ZC3H11A: variants seen among roughly 807,000 people sequenced by gnomAD.
The protein encoded by ZC3H11A is zinc finger CCCH-type containing 11A.
ZC3H11A carries 22 observed loss-of-function variants against 90.8 expected under a neutral mutation model. The ratio of observed to expected loss-of-function variants is 0.24; its 90% CI spans 0.17 to 0.35. The LOEUF is 0.35. Ranked by LOEUF, ZC3H11A falls within the 10% of genes least tolerant of loss-of-function variation. The probability of loss-of-function intolerance (pLI) is 1.00; values close to 1 mark genes in which losing one functional copy is unlikely to be tolerated. For synonymous variants in ZC3H11A, 294 were observed against 339.8 expected (o/e 0.87, Z 1.48); for missense variants, 701 against 964.9 (o/e 0.73, Z 3.62).
In ZC3H11A at chr1:203,801,792, CA is replaced by C. The variant is rs1363419330; in HGVS notation, c.-1366del. Reference sequence around the variant, plus strand: ...AAGTTTAGAACTCATTTCTATGTATCAAAATCGGGTTTTTTTTGGTTTTGAT... The same window carrying C: ...AAGTTTAGAACTCATTTCTATGTATCAAATCGGGTTTTTTTTGGTTTTGAT... On this transcript the variant is annotated 5_prime_UTR_variant, in exon 2 of 18. An upstream open reading frame in the 5' UTR loses its in-frame stop. Transcript: ENST00000367210. The C allele has an allele frequency of 6.8e-6, 1 of 146,116 alleles. No individual in the cohort carries two copies. Among genetic ancestry groups the C allele is most frequent in the African/African-American group, 2.5e-5 (1 of 39,588 alleles). 9.1% of individuals were successfully genotyped at this position (146,116 alleles called of 1,614,324 possible).
At chr1:203,797,587 T>A (rs571447613) in intron 1 of ZC3H11A, 2 of 1,534,332 alleles carry the variant, frequency 1.3e-6, no homozygotes, top group South Asian at 1.2e-5. Flanking sequence ...TGCAACACTT[T>A]TAGTGATTCT....
At chr1:203,800,247 C>A in intron 1 of ZC3H11A, 1 of 1,196,694 alleles carries the variant, frequency 8.4e-7, no homozygotes, top group South Asian at 1.3e-5. Context: ...TCTAAGTTGC[C>A]CCATGTGTAG....
intron 15 of ZC3H11A, 67 bp downstream of exon 15, chr1:203,850,093 C>A: frequency 6.9e-7 from 1 of 1,455,818 alleles, no homozygotes; most frequent in East Asian, 2.3e-5. Flanking sequence ...CAATTGTTGC[C>A]AGTAACTTCC....
chr1:203,837,454 C>CT (rs148758453), intron 10 of ZC3H11A, among the ~76,000 whole-genome samples: 18,340 of 143,780 alleles, frequency 0.13, 1,281 homozygotes, highest in Non-Finnish European at 0.15. Context: ...CCTTGTCTCT[C>CT]TTTTTTTTTT....
At chr1:203,797,792 A>G (rs1490610810) in intron 1 of ZC3H11A, 5 of 1,535,912 alleles carry the variant, frequency 3.3e-6, no homozygotes, top group South Asian at 1.2e-5. Flanking sequence ...AGGATTTGGG[A>G]TCTGGGAGGC....
intron 2 of ZC3H11A, among the ~76,000 whole-genome samples, chr1:203,812,475 C>T (rs1389830574): frequency 1.3e-5 from 2 of 152,006 alleles, no homozygotes; most frequent in Non-Finnish European, 2.9e-5. Flanking sequence ...TTATTGGATG[C>T]ATACTATTCC....
At chr1:203,837,873 CAG>C in intron 10 of ZC3H11A, 91 bp from the exon 11 acceptor site, 1 of 1,189,114 alleles carries the variant, frequency 8.4e-7, no homozygotes, top group Non-Finnish European at 1.2e-6. Flanking sequence ...GAACACTTAA[CAG>C]AATTATGCTA....
Position 203,847,388 on chromosome 1 carries a change from G to T in ZC3H11A, c.1247G>T (p.Arg416Leu). 2.5e-6 allele frequency: 4 copies of T among 1,613,760 alleles called. No homozygotes were observed. The highest frequency in any genetic ancestry group is 2.5e-6 in the Non-Finnish European group (3 of 1,179,844). Residue 416 changes from arginine (R) to leucine (L), a missense_variant, in exon 13 of 18, where the codon CGG becomes CTG. Arg to Leu is a moderately radical substitution (Grantham distance 102). Transcript: ENST00000367210. ...GAGGTCCTGGCTGAAAAAAAACATC[G>T]GCAGCAGGAAGCAGAGAGACAAAAA... ...FSEVLAEKKH[R>L]QQEAERQKSK...
chr1:203,833,622 T>TTTTTTTTC (rs1314083762), intron 9 of ZC3H11A, among the ~76,000 whole-genome samples, 169 bp from the exon 10 acceptor site: 1 of 148,224 alleles, frequency 6.7e-6, no homozygotes. Flanking sequence ...GTTTGGGTTT[T>TTTTTTTTC]TTTTTTTTTT....
chr1:203,822,610 G>A (rs1679158337), intron 4 of ZC3H11A, among the ~76,000 whole-genome samples: 1 of 152,034 alleles, frequency 6.6e-6, no homozygotes, highest in East Asian at 1.9e-4. Context: ...TGCCATTCTA[G>A]ACTGACCCTA....
chr1:203,821,083 A>G (rs1678506451), intron 4 of ZC3H11A, among the ~76,000 whole-genome samples: 1 of 152,058 alleles, frequency 6.6e-6, no homozygotes, highest in Non-Finnish European at 1.5e-5. Flanking sequence ...TAAGGGAGGG[A>G]CCTGATGGGA....
rs1053132373 is a variant in ZC3H11A, at chr1:203,849,904, G to A, written c.1817G>A (p.Arg606Gln). ...PVLTAVPGITRHLTKRLPTKS... is the reference protein window; with the variant it reads ...PVLTAVPGITQHLTKRLPTKS... ...CTCACTGCTGTGCCAGGAATCACAC[G>A]GCACCTGACCAAGCGGCTTCCCACA... is the stretch of plus-strand genomic sequence containing the variant. The change falls in exon 15 of 18, where the codon CGG becomes CAG. Residue 606 changes from arginine (R) to glutamine (Q), a missense_variant. Arg to Gln is a conservative substitution (Grantham distance 43). Coordinates refer to ENST00000367210, the MANE Select transcript of ZC3H11A (RefSeq NM_001376342.1). The A allele has an allele frequency of 6.2e-7, 1 of 1,614,102 alleles. No individual in the cohort carries two copies. Among genetic ancestry groups the A allele is most frequent in the Non-Finnish European group, 8.5e-7 (1 of 1,180,022 alleles).
chr1:203,823,028 A>G (rs1009855521), intron 4 of ZC3H11A, among the ~76,000 whole-genome samples: 3 of 152,214 alleles, frequency 2.0e-5, no homozygotes, highest in Admixed American at 2.0e-4. Flanking sequence ...GCAGATATCA[A>G]ATAAATTGAT....
intron 16 of ZC3H11A, 61 bp downstream of exon 16, chr1:203,850,742 A>G (rs1689059860): frequency 2.6e-6 from 4 of 1,565,672 alleles, no homozygotes; most frequent in Non-Finnish European, 3.5e-6. Context: ...AGGAAAGACT[A>G]ACTCTCCACT....
chr1:203,831,161 C>T (rs1224466810), intron 8 of ZC3H11A, among the ~76,000 whole-genome samples: 1 of 151,704 alleles, frequency 6.6e-6, no homozygotes, highest in East Asian at 1.9e-4. Flanking sequence ...TTGGGCTGGT[C>T]TCGAACTCCC....
At chr1:203,831,573 C>T in intron 8 of ZC3H11A, 88 bp from the exon 9 acceptor site, 4 of 1,073,038 alleles carry the variant, frequency 3.7e-6, no homozygotes, top group Non-Finnish European at 5.6e-6. Flanking sequence ...CTGTATTGGA[C>T]TTAACTGGTT....
At chr1:203,806,570 T>C (rs1167982945) in intron 2 of ZC3H11A, among the ~76,000 whole-genome samples, 1 of 152,200 alleles carries the variant, frequency 6.6e-6, no homozygotes, top group Non-Finnish European at 1.5e-5. Flanking sequence ...CCCAAAGTGC[T>C]GGGATTATAG....
chr1:203,851,090 G>A lies in ZC3H11A; in HGVS notation c.2140G>A (p.Val714Ile). ...CCCGCTTGTCTCTGAGGACAAATCAGTCACTGTGCCTGAAGCAGAAAATCC... is the reference window on the plus strand; with the variant it reads ...CCCGCTTGTCTCTGAGGACAAATCAATCACTGTGCCTGAAGCAGAAAATCC... ...VVPLVSEDKS[V>I]TVPEAENPRD... is the part of the protein sequence containing the mutation. Residue 714 changes from valine to isoleucine, a missense_variant, in exon 17 of 18, where the codon GTC becomes ATC. Coordinates refer to ENST00000367210, the MANE Select transcript of ZC3H11A (RefSeq NM_001376342.1). The A allele has an allele frequency of 6.2e-7, 1 of 1,614,162 alleles. No individual in the cohort carries two copies. The highest frequency in any genetic ancestry group is 1.1e-5 in the South Asian group (1 of 91,088).
intron 4 of ZC3H11A, among the ~76,000 whole-genome samples, chr1:203,821,197 C>T (rs139488525): frequency 6.6e-6 from 1 of 152,140 alleles, no homozygotes; most frequent in East Asian, 1.9e-4. Flanking sequence ...CCTTTGCTCG[C>T]GCTCTCTTGC....
Sources: gnomAD v4.1 joint callset for allele counts (sites outside exome capture counted in the v4.1 genomes callset) on GRCh38, gnomAD v4.1.1 for gene constraint, MANE v1.5 for transcripts, NCBI Gene and HGNC (gene_info 2026-07-23, HGNC 2026-07-21) for gene names.